MYO15B: variants seen among roughly 807,000 people sequenced by gnomAD.
MYO15B encodes the protein myosin XVB pseudogene.
MYO15B carries 207 observed loss-of-function variants against 119.3 expected under a neutral mutation model. The ratio of observed to expected loss-of-function variants is 1.73; its 90% CI spans 1.55 to 1.95. The LOEUF (loss-of-function observed/expected upper bound fraction) is 1.95, where lower values mean the gene tolerates loss of function less well. Among genes scored for constraint, MYO15B ranks in the 30% most tolerant of loss-of-function variants. The pLI, the probability that MYO15B is intolerant of heterozygous loss-of-function variation, is 0.00. For synonymous variants in MYO15B, 966 were observed against 498.9 expected (o/e 1.94, Z -12.48); for missense variants, 2,264 against 1,203.1 (o/e 1.88, Z -13.04).
rs1568213230 is a variant in MYO15B, at chr17:75,619,448, ATTAC to A, written c.7157_7160del (p.Tyr2386SerfsTer18). 1.4e-6 allele frequency: 1 copy of A among 702,562 alleles called. No homozygotes were observed. The highest frequency in any genetic ancestry group is 2.6e-6 in the Non-Finnish European group (1 of 384,914). The allele number at this position is 702,562 out of a possible 1,614,324, so 43.5% of individuals were successfully genotyped here. ...GTGGCCGCTCGGGACAACTGGGCCA[ATTAC>A]TTCTCCCGCTTCTTTCCTGTCTCGG... On this transcript the variant is annotated frameshift_variant, in exon 45 of 64. Coordinates refer to ENST00000645453, the Ensembl canonical transcript of MYO15B. LOFTEE classifies it high-confidence loss of function.
exon 64 of MYO15B, chr17:75,626,724 G>A: frequency 1.7e-6 from 1 of 572,262 alleles, no homozygotes; most frequent in Non-Finnish European, 3.1e-6. Context: ...CTCGGCTGGG[G>A]CACCTGAGGT....
intron 21 of MYO15B, among the ~76,000 whole-genome samples, chr17:75,609,005 T>G (rs959928287): frequency 1.3e-5 from 2 of 151,974 alleles, no homozygotes; most frequent in Non-Finnish European, 2.9e-5. Flanking sequence ...GTGCTGGGAT[T>G]ATAGGCGTGA....
intron 63 of MYO15B, 80 bp downstream of exon 63, chr17:75,626,308 G>A: frequency 1.4e-6 from 1 of 698,348 alleles, no homozygotes; most frequent in Non-Finnish European, 2.6e-6. Flanking sequence ...TGGGAGCCCA[G>A]GCCCAGGCCG....
chr17:75,605,395 C>G, intron 19 of MYO15B, 109 bp from the exon 20 acceptor site: 2 of 619,088 alleles, frequency 3.2e-6, no homozygotes, highest in Non-Finnish European at 5.8e-6. Flanking sequence ...CGAGATCGCG[C>G]CACTGTACTC....
exon 47 of MYO15B, chr17:75,619,912 C>T (rs893012420): frequency 5.7e-6 from 4 of 702,554 alleles, no homozygotes; most frequent in East Asian, 5.4e-5. Flanking sequence ...AGTGCCGGGG[C>T]GGCTCCACCC....
Position 75,589,549 on chromosome 17 carries a change from G to A in MYO15B, c.1492G>A (p.Ala498Thr). 1 of 398,836 alleles carries A rather than the reference G, an allele frequency of 2.5e-6. No individual in the cohort carries two copies. Among genetic ancestry groups the A allele is most frequent in the Non-Finnish European group, 4.4e-6 (1 of 226,158 alleles). 24.7% of individuals were successfully genotyped at this position (398,836 alleles called of 1,614,324 possible). ...TGAGCCCGGGCTGCGGCACCGTCTA[G>A]CGTTGCGCCTGGCTGGCTTAGCAGG... The change falls in exon 1 of 64, where the codon GCG (alanine) becomes ACG (threonine). Residue 498 changes from alanine to threonine, a missense_variant. Coordinates refer to ENST00000645453, the Ensembl canonical transcript of MYO15B. The surrounding 1 kb of genome is among the most constrained non-coding windows in gnomAD (Gnocchi z 4.2).
At chr17:75,614,234 C>T in exon 30 of MYO15B, 2 of 702,740 alleles carry the variant, frequency 2.8e-6, no homozygotes, top group Non-Finnish European at 5.2e-6. Context: ...TGGTCTGTGT[C>T]ACTGCACTCC....
exon 19 of MYO15B, chr17:75,603,229 G>A: frequency 1.4e-6 from 1 of 703,060 alleles, no homozygotes; most frequent in Non-Finnish European, 2.6e-6. Flanking sequence ...CAGAGCAACT[G>A]CACCAGGCAG....
In MYO15B at chr17:75,625,599, G is replaced by A. The variant is rs114127171; in HGVS notation, c.8877G>A (p.Met2959Ile). Residue 2959 changes from methionine (M) to isoleucine (I), a missense_variant, in exon 61 of 64, where the codon ATG becomes ATA. Transcript: ENST00000645453. ...ACACGGCCTCCATCAAGAACCTGAT[G>A]GGTCAGGAGCTGAGACGGCTGGAAG... 399 of 703,094 alleles carry A rather than the reference G, an allele frequency of 5.7e-4. 2 individuals carry two copies. The African/African-American group carries it at 6.0e-3, about 11-fold the overall frequency. 43.6% of individuals were successfully genotyped at this position (703,094 alleles called of 1,614,324 possible). A position where few individuals can be genotyped will look rare whatever the true frequency, so the allele number is the denominator to read the frequency against.
intron 12 of MYO15B, among the ~76,000 whole-genome samples, chr17:75,595,949 C>T (rs536722132): frequency 2.0e-5 from 3 of 152,350 alleles, no homozygotes; most frequent in South Asian, 4.1e-4. Flanking sequence ...TCCAGTGTGT[C>T]CTTGTGACCG....
At chr17:75,623,100 G>A (rs578173528) in intron 53 of MYO15B, among the ~76,000 whole-genome samples, 1 of 152,272 alleles carries the variant, frequency 6.6e-6, no homozygotes, top group Non-Finnish European at 1.5e-5. Context: ...GGGAGGCCGA[G>A]GCAGGTGGAT....
Position 75,610,349 on chromosome 17 carries a change from C to T in MYO15B, c.4386+90C>T, listed in dbSNP as rs372223579. 1.1e-4 allele frequency: 67 copies of T among 598,610 alleles called. No individual in the cohort carries two copies. The East Asian group carries it at 1.5e-3, about 14-fold the overall frequency. 37.1% of individuals were successfully genotyped at this position (598,610 alleles called of 1,614,324 possible). On this transcript the variant is annotated intron_variant, in intron 22 of 63. Coordinates refer to ENST00000645453, the Ensembl canonical transcript of MYO15B. ...CAAATCCCAGCAGCGTTGACCCTCTCAGCCCGGCCTCGCACGGGCTGTGGC... is the reference window on the plus strand; with the variant it reads ...CAAATCCCAGCAGCGTTGACCCTCTTAGCCCGGCCTCGCACGGGCTGTGGC...
chr17:75,618,273 C>T, intron 43 of MYO15B, 88 bp downstream of exon 43: 1 of 684,912 alleles, frequency 1.5e-6, no homozygotes. Context: ...CAGGTTAACA[C>T]CACGTAGGGC....
rs1186878102 is a variant in MYO15B, at chr17:75,618,194, T to C, written c.6987+9T>C. 1.4e-6 allele frequency: 1 copy of C among 703,004 alleles called. No homozygotes were observed. Among genetic ancestry groups the C allele is most frequent in the South Asian group, 1.5e-5 (1 of 67,608 alleles). 43.5% of individuals were successfully genotyped at this position (703,004 alleles called of 1,614,324 possible). A position where few individuals can be genotyped will look rare whatever the true frequency, so the allele number is the denominator to read the frequency against. On this transcript the variant is annotated intron_variant, in intron 43 of 63. Coordinates refer to ENST00000645453, the Ensembl canonical transcript of MYO15B. ...GGCTCCTCTGTGAGCAGGTGAGAGC[T>C]GGCCCACCTGCCAGCCTGAGACATC...
chr17:75,588,440 A>C, exon 1 of MYO15B: 1 of 398,420 alleles, frequency 2.5e-6, no homozygotes, highest in Non-Finnish European at 4.4e-6. Context: ...CGTAGGAGGA[A>C]GCGGAAAGAT....
chr17:75,625,427 A>C (rs2058983725), intron 60 of MYO15B, 100 bp from the exon 61 acceptor site: 1 of 671,136 alleles, frequency 1.5e-6, no homozygotes, highest in Non-Finnish European at 2.7e-6. Flanking sequence ...ATGGATGTCT[A>C]GTCTTGCCCA....
At chr17:75,616,018 G>A (rs369746918) in intron 36 of MYO15B, 51 bp from the exon 37 acceptor site, 210 of 586,246 alleles carry the variant, frequency 3.6e-4, no homozygotes, top group African/African-American at 3.1e-3. Context: ...GGGGTGTGGC[G>A]AGTGTGGCAC....
intron 9 of MYO15B, 40 bp downstream of exon 9, chr17:75,592,880 G>T (rs1326796427): frequency 2.2e-5 from 15 of 690,390 alleles, no homozygotes; most frequent in Non-Finnish European, 2.7e-6. Flanking sequence ...GGGGTGCTGG[G>T]TCTGTAGAAT....
At chr17:75,622,055 T>C (rs972240630) in exon 53 of MYO15B, 13 of 702,910 alleles carry the variant, frequency 1.8e-5, no homozygotes, top group Admixed American at 1.6e-4. Flanking sequence ...AAGGATGAGA[T>C]GGATCTGCTC....
Sources: gnomAD v4.1 joint callset for allele counts (sites outside exome capture counted in the v4.1 genomes callset) on GRCh38, gnomAD v4.1.1 for gene constraint, Gnocchi (gnomAD v3.1) non-coding constraint, MANE v1.5 for transcripts, NCBI Gene and HGNC (gene_info 2026-07-23, HGNC 2026-07-21) for gene names.